Variants in IFIT3 observed in about 807,000 individuals in gnomAD.
The protein encoded by IFIT3 is interferon induced protein with tetratricopeptide repeats 3.
In IFIT3, 2 loss-of-function variants were observed where a neutral mutation model predicts 2.4. The observed-to-expected ratio is 0.82, with a 90% confidence interval of 0.34 to 2.60. The LOEUF (loss-of-function observed/expected upper bound fraction) is 2.60. IFIT3 is among the 30% of genes most tolerant of loss of function. The pLI is 0.11. For synonymous variants in IFIT3, 203 were observed against 212.1 expected, an observed-to-expected ratio of 0.96 and a Z score of 0.37; for missense variants, 481 against 562.4, an observed-to-expected ratio of 0.86 and a Z score of 1.46.
At chr10:89,332,835 G>A (rs1418242783) in intron 1 of IFIT3, among the ~76,000 whole-genome samples, 2 of 152,168 alleles carry the variant, frequency 1.3e-5, no homozygotes, top group East Asian at 1.9e-4. Flanking sequence ...AATGGGAGCT[G>A]GGAGCTGGGA....
chr10:89,338,621 G>T (rs773740827), intron 1 of IFIT3, 40 bp from the exon 2 acceptor site: 335 of 1,572,452 alleles, frequency 2.1e-4, no homozygotes, highest in Non-Finnish European at 2.7e-4. Context: ...GCAGTGCTTG[G>T]CAGTGTACAT....
chr10:89,330,367 A>T (rs950067786), intron 1 of IFIT3, among the ~76,000 whole-genome samples: 10 of 152,216 alleles, frequency 6.6e-5, no homozygotes, highest in Non-Finnish European at 1.3e-4. Context: ...TCATTAATGG[A>T]GGCACCAAAC....
rs1427951623 is a variant in IFIT3, at chr10:89,328,010, C to T, written c.-64C>T. ...TATTTACTTGAGGCAGACAGGAAGA[C>T]TTCTGAAGAACAAATCAGCCTGGTC... On this transcript the variant is annotated 5_prime_UTR_variant, in exon 1 of 2. Transcript: ENST00000371818. 2 of 1,595,668 alleles carry T rather than the reference C, an allele frequency of 1.3e-6. No homozygotes were observed. Among genetic ancestry groups the T allele is most frequent in the Non-Finnish European group, 1.7e-6 (2 of 1,163,538 alleles).
intron 1 of IFIT3, among the ~76,000 whole-genome samples, chr10:89,329,764 T>C (rs1159416505): frequency 6.6e-6 from 1 of 152,168 alleles, no homozygotes; most frequent in Non-Finnish European, 1.5e-5. Context: ...CTGTAGTTAG[T>C]GGTTTCATGC....
intron 1 of IFIT3, among the ~76,000 whole-genome samples, chr10:89,330,828 C>G (rs980991002): frequency 8.5e-5 from 13 of 152,204 alleles, no homozygotes; most frequent in African/African-American, 3.1e-4. Context: ...TAAAATACCT[C>G]TATGACAGCA....
intron 1 of IFIT3, among the ~76,000 whole-genome samples, chr10:89,334,886 T>C (rs1189500250): frequency 1.3e-5 from 2 of 152,184 alleles, no homozygotes; most frequent in African/African-American, 2.4e-5. Context: ...AACTAACTTA[T>C]TTATACATAT....
rs1338194495 is a variant in IFIT3 at position 89,339,471 on chromosome 10, A to G, written c.816A>G (p.Pro272=). The G allele has an allele frequency of 1.2e-6, 2 of 1,614,082 alleles. No individual in the cohort carries two copies. The highest frequency in any genetic ancestry group is 1.7e-5 in the Admixed American group (1 of 60,024). ...TTCAACGGGTGTTGGAATCCACACC[A>G]AACAATGGCTACCTCTATCACCAGA... is the stretch of plus-strand genomic sequence containing the variant. ...ELFQRVLEST[P]NNGYLYHQIG... is the part of the protein sequence containing the mutation. The change falls in exon 2 of 2, where the codon CCA becomes CCG. Residue 272 remains proline, a synonymous_variant. Coordinates refer to ENST00000371818, the MANE Select transcript of IFIT3 (RefSeq NM_001549.6).
At chr10:89,332,619 C>A in intron 1 of IFIT3, 1 of 1,614,026 alleles carries the variant, frequency 6.2e-7, no homozygotes, top group Non-Finnish European at 8.5e-7. Context: ...GGGAAACAGC[C>A]ATCATGAGGT....
chr10:89,339,348 A>G lies in IFIT3; in HGVS notation c.693A>G (p.Glu231=), dbSNP rs1295428265. The change falls in exon 2 of 2, where the codon GAA becomes GAG. Residue 231 remains glutamate (E), a synonymous_variant. Transcript: ENST00000371818. ...AAGCTGAAGGAGAGCAGTTTGTTGAAGAAGCCTTGGAAAAGTCTCCTTGCC... is the reference window on the plus strand; with the variant it reads ...AAGCTGAAGGAGAGCAGTTTGTTGAGGAAGCCTTGGAAAAGTCTCCTTGCC... ...NKEAEGEQFV[E]EALEKSPCQT... 1.2e-6 allele frequency: 2 copies of G among 1,613,740 alleles called. No homozygotes were observed. Among genetic ancestry groups the G allele is most frequent in the Admixed American group, 1.7e-5 (1 of 59,884 alleles).
Position 89,331,464 on chromosome 10 carries a change from T to A in IFIT3, c.5+3386T>A, listed in dbSNP as rs193130767. On this transcript the variant is annotated intron_variant, in intron 1 of 1. Transcript: ENST00000371818. The stretch of plus-strand genomic sequence containing the variant: ...CTGAGATTACAGGCGTGAGCCTCCG[T>A]GCCTGGCCAACATTTTCCATACAGA... Among the ~76,000 whole-genome samples the A allele has an allele frequency of 2.6e-5, 4 of 152,320 alleles. No homozygotes were observed. The East Asian group carries it at 7.7e-4, about 29-fold the overall frequency.
At chr10:89,328,194 C>G (rs1208119834) in intron 1 of IFIT3, 116 bp downstream of exon 1, 1 of 1,029,052 alleles carries the variant, frequency 9.7e-7, no homozygotes, top group East Asian at 2.5e-5. Flanking sequence ...TTCAATATGT[C>G]TTTATCAGTC....
At chr10:89,333,779 C>CT (rs1231519866) in intron 1 of IFIT3, among the ~76,000 whole-genome samples, 1 of 152,224 alleles carries the variant, frequency 6.6e-6, no homozygotes, top group African/African-American at 2.4e-5. Context: ...TTCCCAGAGC[C>CT]TTGCTGCTCA....
intron 1 of IFIT3, 148 bp downstream of exon 1, chr10:89,328,226 A>AG: frequency 2.3e-6 from 2 of 877,794 alleles, no homozygotes; most frequent in South Asian, 3.2e-5. Flanking sequence ...AAGATGTTTG[A>AG]GGGGTTTTTC....
In IFIT3 at chr10:89,328,372, G is replaced by A. The variant is rs78835508; in HGVS notation, c.5+294G>A. ...CCTGTGTGCAGCTATTTCCTGCAATGAGAGGAAGGCTTGGCAGGAGCGGTG... is the reference window on the plus strand; with the variant it reads ...CCTGTGTGCAGCTATTTCCTGCAATAAGAGGAAGGCTTGGCAGGAGCGGTG... On this transcript the variant is annotated intron_variant, in intron 1 of 1. Transcript: ENST00000371818. Among the ~76,000 whole-genome samples the A allele has an allele frequency of 6.7e-3, 1,013 of 152,296 alleles. 16 individuals carry two copies. The highest frequency in any genetic ancestry group is 0.05 in the East Asian group (261 of 5,180).
intron 1 of IFIT3, among the ~76,000 whole-genome samples, chr10:89,336,101 C>A (rs1218870868): frequency 1.1e-4 from 17 of 148,156 alleles, no homozygotes; most frequent in Non-Finnish European, 7.4e-5. Context: ...TATAGTGAGA[C>A]CCTGTCTCTG....
rs1564792266 is a variant in IFIT3 at position 89,338,948 on chromosome 10, G to A, written c.293G>A (p.Gly98Glu). Residue 98 changes from glycine to glutamate, a missense_variant, in exon 2 of 2, where the codon GGA (glycine) becomes GAA (glutamate). Transcript: ENST00000371818. ...GAAATCAGAAGTCTAGTCACTTGGGGAAACTACGCCTGGGTCTACTATCAC... is the reference window on the plus strand; with the variant it reads ...GAAATCAGAAGTCTAGTCACTTGGGAAAACTACGCCTGGGTCTACTATCAC... ...QAEIRSLVTW[G>E]NYAWVYYHLG... The A allele has an allele frequency of 6.2e-7, 1 of 1,614,158 alleles. No individual in the cohort carries two copies. Among genetic ancestry groups the A allele is most frequent in the East Asian group, 2.2e-5 (1 of 44,880 alleles).
Position 89,340,041 on chromosome 10 carries a change from G to A in IFIT3, c.1386G>A (p.Glu462=). ...GIGSIFLSAS[E]LEDGSEEMGQ... ...GCAGTATTTTCCTGTCAGCATCTGA[G>A]CTTGAGGATGGTAGTGAGGAAATGG... The change falls in exon 2 of 2, where the codon GAG becomes GAA. Residue 462 remains glutamate (E), a synonymous_variant. Transcript: ENST00000371818. 6.2e-7 allele frequency: 1 copy of A among 1,614,208 alleles called. No individual in the cohort carries two copies. Among genetic ancestry groups the A allele is most frequent in the Non-Finnish European group, 8.5e-7 (1 of 1,180,030 alleles).
chr10:89,333,374 C>G (rs1315304159), intron 1 of IFIT3, among the ~76,000 whole-genome samples: 1 of 152,130 alleles, frequency 6.6e-6, no homozygotes, highest in Non-Finnish European at 1.5e-5. Context: ...TTAAAGAGGA[C>G]CACAAGTACT....
rs775551083 is a variant in IFIT3 at position 89,340,037 on chromosome 10, C to T, written c.1382C>T (p.Ser461Phe). The T allele has an allele frequency of 3.1e-6, 5 of 1,614,064 alleles. No homozygotes were observed. The African/African-American group carries it at 5.3e-5, about 17-fold the overall frequency. Reference sequence around the variant, plus strand: ...ATAGGCAGTATTTTCCTGTCAGCATCTGAGCTTGAGGATGGTAGTGAGGAA... The same window carrying T: ...ATAGGCAGTATTTTCCTGTCAGCATTTGAGCTTGAGGATGGTAGTGAGGAA... Reference protein sequence around the residue: ...SGIGSIFLSASELEDGSEEMG... With the variant: ...SGIGSIFLSAFELEDGSEEMG... Residue 461 changes from serine to phenylalanine, a missense_variant, in exon 2 of 2, where the codon TCT (serine) becomes TTT (phenylalanine). Ser to Phe is a radical substitution (Grantham distance 155, BLOSUM62 -2). Transcript: ENST00000371818.
Sources: gnomAD v4.1 joint callset for allele counts (sites outside exome capture counted in the v4.1 genomes callset) on GRCh38, gnomAD v4.1.1 for gene constraint, MANE v1.5 for transcripts, NCBI Gene and HGNC (gene_info 2026-07-23, HGNC 2026-07-21) for gene names.